Variants in ALK observed in about 807,000 individuals in gnomAD.
ALK encodes the protein ALK receptor tyrosine kinase, also known as ALK tyrosine kinase receptor.
A neutral mutation model predicts 163.1 loss-of-function variants in ALK; 74 were observed. That is an observed-to-expected ratio of 0.45 (90% CI 0.38 to 0.55). The LOEUF is 0.55. Among genes scored for constraint, ALK ranks in the 20% least tolerant of loss-of-function variants. The pLI is 0.00. For missense variants in ALK, 2,063 were observed against 2,105.3 expected (o/e 0.98, Z 0.39); for synonymous variants, 960 against 843.2 (o/e 1.14, Z -2.40).
At chr2:29,311,822 C>A (rs1397237043) in intron 8 of ALK, among the ~76,000 whole-genome samples, 2 of 152,086 alleles carry the variant, frequency 1.3e-5, no homozygotes, top group East Asian at 3.9e-4. Flanking sequence ...GGGGAAGGCC[C>A]CTCTGTAAAC....
chr2:29,720,510 C>T (rs1473110027), intron 1 of ALK, among the ~76,000 whole-genome samples: 1 of 152,130 alleles, frequency 6.6e-6, no homozygotes, highest in East Asian at 1.9e-4. Flanking sequence ...CCGGATGAGG[C>T]TAGGGAGCTA....
intron 3 of ALK, among the ~76,000 whole-genome samples, chr2:29,564,731 G>C (rs1674130381): frequency 6.6e-6 from 1 of 152,220 alleles, no homozygotes; most frequent in Non-Finnish European, 1.5e-5. Context: ...CAGGAAGGGA[G>C]GGGGTATCTC....
chr2:29,736,714 C>T (rs1573594778), intron 1 of ALK, among the ~76,000 whole-genome samples: 1 of 151,994 alleles, frequency 6.6e-6, no homozygotes, highest in East Asian at 1.9e-4. Flanking sequence ...GTGATTTTAT[C>T]TTGCTGAACA....
chr2:29,524,495 G>T (rs1240918531), intron 4 of ALK, among the ~76,000 whole-genome samples: 1 of 152,236 alleles, frequency 6.6e-6, no homozygotes, highest in Non-Finnish European at 1.5e-5. Context: ...GCAAATTATG[G>T]AAGCTCTCTG....
intron 4 of ALK, among the ~76,000 whole-genome samples, chr2:29,409,235 T>C (rs912386156): frequency 2.0e-5 from 3 of 152,218 alleles, no homozygotes; most frequent in Admixed American, 6.5e-5. Context: ...TATTAGCCTC[T>C]AGTAAGGGAA....
chr2:29,718,996 A>T (rs1387901232), intron 1 of ALK, among the ~76,000 whole-genome samples: 1 of 151,896 alleles, frequency 6.6e-6, no homozygotes, highest in African/African-American at 2.4e-5. Flanking sequence ...CCTACCTCTA[A>T]CCCCCTTTTA....
At chr2:29,619,271 T>A (rs186518714) in intron 3 of ALK, among the ~76,000 whole-genome samples, 1 of 152,328 alleles carries the variant, frequency 6.6e-6, no homozygotes, top group East Asian at 1.9e-4. Context: ...TTGCTCTATT[T>A]CTCACTTCCA....
At chr2:29,798,383 A>G (rs1445689620) in intron 1 of ALK, among the ~76,000 whole-genome samples, 1 of 152,182 alleles carries the variant, frequency 6.6e-6, no homozygotes, top group East Asian at 1.9e-4. Context: ...AATCTAAGGA[A>G]TTAGAATTCT....
At chr2:29,767,861 G>A (rs551944371) in intron 1 of ALK, among the ~76,000 whole-genome samples, 1 of 152,212 alleles carries the variant, frequency 6.6e-6, no homozygotes, top group East Asian at 1.9e-4. Flanking sequence ...ATGTCAAACA[G>A]GCAAGATGAA....
At chr2:29,719,296 C>A (rs535203821) in intron 1 of ALK, among the ~76,000 whole-genome samples, 8 of 152,220 alleles carry the variant, frequency 5.3e-5, no homozygotes, top group Non-Finnish European at 1.0e-4. Context: ...GAGATTAGAA[C>A]TGAATTGATT....
chr2:29,391,091 C>T (rs79733301), intron 4 of ALK, among the ~76,000 whole-genome samples: 219 of 152,226 alleles, frequency 1.4e-3, no homozygotes, highest in Non-Finnish European at 2.4e-3. Context: ...GGGCTGCAGG[C>T]CTGCTTGTTG....
intron 4 of ALK, among the ~76,000 whole-genome samples, chr2:29,483,937 T>A (rs2148120215): frequency 6.6e-6 from 1 of 152,314 alleles, no homozygotes; most frequent in Non-Finnish European, 1.5e-5. Context: ...TCCACATGGC[T>A]GGGGAGGCCT....
chr2:29,611,273 G>C (rs6547961), intron 3 of ALK, among the ~76,000 whole-genome samples: 118,663 of 152,100 alleles, frequency 0.78, 46,520 homozygotes, highest in African/African-American at 0.85. Flanking sequence ...AGGCTACAGA[G>C]AAGAACTTTC....
intron 1 of ALK, among the ~76,000 whole-genome samples, chr2:29,728,180 C>T (rs1679628905): frequency 6.6e-6 from 1 of 152,178 alleles, no homozygotes; most frequent in Non-Finnish European, 1.5e-5. Context: ...ACACACGGTG[C>T]CCAGCACCAT....
intron 4 of ALK, among the ~76,000 whole-genome samples, chr2:29,511,255 A>C (rs72794485): frequency 0.38 from 57,225 of 151,756 alleles, 11,764 homozygotes; most frequent in South Asian, 0.56. Context: ...CCCTCTCTCT[A>C]CCTTCCAAAA....
intron 4 of ALK, among the ~76,000 whole-genome samples, chr2:29,519,600 G>C (rs779569340): frequency 6.6e-6 from 1 of 152,178 alleles, no homozygotes; most frequent in Non-Finnish European, 1.5e-5. Flanking sequence ...GAACCCTGGA[G>C]ACTGTCCGTA....
At chr2:29,627,161 G>C (rs553668760) in intron 3 of ALK, among the ~76,000 whole-genome samples, 1 of 152,150 alleles carries the variant, frequency 6.6e-6, no homozygotes, top group South Asian at 2.1e-4. Flanking sequence ...GACACTCTCC[G>C]GAAGGCAGAC....
At chr2:29,368,327 G>C (rs1429959803) in intron 5 of ALK, among the ~76,000 whole-genome samples, 1 of 152,186 alleles carries the variant, frequency 6.6e-6, no homozygotes, top group Non-Finnish European at 1.5e-5. Flanking sequence ...CTTGTCAAAT[G>C]GTGGCTGTGT....
intron 26 of ALK, among the ~76,000 whole-genome samples, chr2:29,200,835 A>G (rs1669157605): frequency 7.7e-6 from 1 of 129,206 alleles, no homozygotes; most frequent in South Asian, 2.5e-4. Context: ...ACGTATATAT[A>G]TGTGTGTGTA....
Sources: gnomAD v4.1 joint callset for allele counts (sites outside exome capture counted in the v4.1 genomes callset) on GRCh38, gnomAD v4.1.1 for gene constraint, MANE v1.5 for transcripts, NCBI Gene and HGNC (gene_info 2026-07-23, HGNC 2026-07-21) for gene names.